The following PTPRD variants were observed in gnomAD, a reference collection of about 807,000 sequenced individuals.
PTPRD encodes receptor-type tyrosine-protein phosphatase delta.
A neutral mutation model predicts 214.5 loss-of-function variants in PTPRD; 34 were observed. That is an observed-to-expected ratio of 0.16 (90% CI 0.12 to 0.21). The LOEUF is 0.21. PTPRD is among the 10% of genes least tolerant of loss of function. The pLI, the probability that PTPRD is intolerant of heterozygous loss-of-function variation, is 1.00. For missense variants in PTPRD, 2,545 were observed against 2,398.7 expected (o/e 1.06, Z -1.27); for synonymous variants, 1,128 against 845.7 (o/e 1.33, Z -5.79).
chr9:9,327,624 T>G (rs2040516102), intron 9 of PTPRD, among the ~76,000 whole-genome samples: 2 of 152,168 alleles, frequency 1.3e-5, no homozygotes, highest in Non-Finnish European at 2.9e-5. Flanking sequence ...TGCAAGAGGT[T>G]TATTCTAGGA....
intron 11 of PTPRD, among the ~76,000 whole-genome samples, chr9:8,884,134 T>G (rs1339233063): frequency 6.6e-6 from 1 of 152,242 alleles, no homozygotes; most frequent in Non-Finnish European, 1.5e-5. Flanking sequence ...AATGTCATGC[T>G]GCAGTAAACG....
intron 8 of PTPRD, among the ~76,000 whole-genome samples, chr9:9,482,657 C>T (rs139632398): frequency 2.0e-5 from 3 of 152,162 alleles, no homozygotes; most frequent in Non-Finnish European, 2.9e-5. Context: ...AGCTATTATC[C>T]GTAGATGGCA....
chr9:9,477,681 C>A (rs1046136059), intron 8 of PTPRD, among the ~76,000 whole-genome samples: 2 of 152,180 alleles, frequency 1.3e-5, no homozygotes, highest in African/African-American at 2.4e-5. Flanking sequence ...GACTCTGAAA[C>A]GTATTTCCCA....
chr9:9,898,644 T>C (rs150376735), intron 5 of PTPRD, among the ~76,000 whole-genome samples: 1 of 152,224 alleles, frequency 6.6e-6, no homozygotes, highest in African/African-American at 2.4e-5. Flanking sequence ...GTTGTGGTTG[T>C]ATAATGTCAC....
chr9:10,199,263 G>C (rs975773800), intron 3 of PTPRD, among the ~76,000 whole-genome samples: 2 of 152,004 alleles, frequency 1.3e-5, no homozygotes, highest in Non-Finnish European at 2.9e-5. Context: ...TAATTACTTA[G>C]TGTATAGTTA....
At chr9:9,913,981 C>T (rs1436813465) in intron 5 of PTPRD, among the ~76,000 whole-genome samples, 1 of 152,178 alleles carries the variant, frequency 6.6e-6, no homozygotes, top group Admixed American at 6.5e-5. Flanking sequence ...AATGCTACAA[C>T]CCCAGCTATG....
At chr9:10,519,623 G>T (rs2051474432) in intron 2 of PTPRD, among the ~76,000 whole-genome samples, 1 of 151,958 alleles carries the variant, frequency 6.6e-6, no homozygotes, top group African/African-American at 2.4e-5. Flanking sequence ...TGATGTTTCT[G>T]GTAAGTCTGT....
At chr9:10,198,249 G>A (rs2099405643) in intron 3 of PTPRD, among the ~76,000 whole-genome samples, 2 of 152,088 alleles carry the variant, frequency 1.3e-5, no homozygotes, top group Non-Finnish European at 2.9e-5. Flanking sequence ...TCACAGAAAT[G>A]CATCACTATA....
chr9:10,391,083 G>A (rs987786154), intron 2 of PTPRD, among the ~76,000 whole-genome samples: 1 of 151,752 alleles, frequency 6.6e-6, no homozygotes, highest in African/African-American at 2.4e-5. Context: ...TACAGTATTG[G>A]GGATTGTGTT....
chr9:9,559,078 A>C (rs572859231), intron 8 of PTPRD, among the ~76,000 whole-genome samples: 1 of 152,178 alleles, frequency 6.6e-6, no homozygotes, highest in East Asian at 1.9e-4. Flanking sequence ...GTTATTGGGT[A>C]AGTCATCTGA....
chr9:10,028,171 C>T (rs557235333), intron 4 of PTPRD, among the ~76,000 whole-genome samples: 78 of 152,294 alleles, frequency 5.1e-4, no homozygotes, highest in African/African-American at 1.8e-3. Flanking sequence ...TTTCCCTTCA[C>T]AAGCTCTCTT....
chr9:9,502,942 G>C (rs926628115), intron 8 of PTPRD, among the ~76,000 whole-genome samples: 1 of 151,816 alleles, frequency 6.6e-6, no homozygotes, highest in African/African-American at 2.4e-5. Context: ...GACTGCAAAG[G>C]AGTTAAAGTA....
intron 2 of PTPRD, among the ~76,000 whole-genome samples, chr9:10,608,062 T>C (rs1379280357): frequency 5.3e-5 from 8 of 152,002 alleles, no homozygotes; most frequent in Non-Finnish European, 1.0e-4. Flanking sequence ...CTCTTTAAAA[T>C]GCAAGGGTTC....
rs775567692 is a variant in PTPRD, at chr9:8,485,255, T to C, written c.3125A>G (p.Glu1042Gly). 2 of 1,614,114 alleles carry C rather than the reference T, an allele frequency of 1.2e-6. No individual in the cohort carries two copies. Among genetic ancestry groups the C allele is most frequent in the Non-Finnish European group, 1.7e-6 (2 of 1,179,970 alleles). ...TSVLLSWEIP[E>G]NYNSAMPFKI... ...GAAAGGCATGGCGGAGTTATAATTC[T>C]CTGGAATCTCCCAAGACAGCAACAC... Residue 1042 changes from glutamate to glycine, a missense_variant, in exon 29 of 46, where the codon GAG (glutamate) becomes GGG (glycine). Glu to Gly is a moderately conservative substitution (Grantham distance 98, BLOSUM62 -2). Coordinates refer to ENST00000381196, the MANE Select transcript of PTPRD (RefSeq NM_002839.4).
At chr9:9,733,755 C>T (rs1034441760) in intron 7 of PTPRD, among the ~76,000 whole-genome samples, 6 of 152,080 alleles carry the variant, frequency 3.9e-5, no homozygotes, top group Non-Finnish European at 7.4e-5. Flanking sequence ...AGTCTACACA[C>T]GTATCTAAGC....
At chr9:10,310,529 T>C (rs2096240924) in intron 3 of PTPRD, among the ~76,000 whole-genome samples, 1 of 152,062 alleles carries the variant, frequency 6.6e-6, no homozygotes, top group Admixed American at 6.6e-5. Context: ...GAATGTAATG[T>C]TTCTGTGACA....
chr9:10,590,429 A>C (rs1173079950), intron 2 of PTPRD, among the ~76,000 whole-genome samples: 1 of 152,044 alleles, frequency 6.6e-6, no homozygotes, highest in African/African-American at 2.4e-5. Flanking sequence ...GAATATATTT[A>C]TTATCCTAAA....
At chr9:9,837,144 G>A (rs151275783) in intron 5 of PTPRD, among the ~76,000 whole-genome samples, 2 of 152,242 alleles carry the variant, frequency 1.3e-5, no homozygotes, top group Non-Finnish European at 2.9e-5. Flanking sequence ...CAATTTTTGT[G>A]TATTAAGTAT....
At chr9:10,189,686 C>T (rs529040419) in intron 3 of PTPRD, among the ~76,000 whole-genome samples, 72 of 151,904 alleles carry the variant, frequency 4.7e-4, no homozygotes, top group African/African-American at 1.6e-3. Flanking sequence ...AAAGAAACAA[C>T]GGCTGTAAAA....
Sources: gnomAD v4.1 joint callset for allele counts (sites outside exome capture counted in the v4.1 genomes callset) on GRCh38, gnomAD v4.1.1 for gene constraint, MANE v1.5 for transcripts, NCBI Gene and HGNC (gene_info 2026-07-23, HGNC 2026-07-21) for gene names.